Variants in BMPR2 observed in about 807,000 individuals in gnomAD.
BMPR2 encodes bone morphogenetic protein receptor type-2.
BMPR2 carries 29 observed loss-of-function variants against 100.8 expected under a neutral mutation model. The observed-to-expected ratio is 0.29, with a 90% confidence interval of 0.21 to 0.39. The LOEUF is 0.39. Ranked by LOEUF, BMPR2 falls within the 10% of genes least tolerant of loss-of-function variation. The probability of loss-of-function intolerance (pLI) is 1.00; values close to 1 mark genes in which losing one functional copy is unlikely to be tolerated. For synonymous variants in BMPR2, 382 were observed against 442.3 expected (o/e 0.86, Z 1.71); for missense variants, 1,011 against 1,274.5 (o/e 0.79, Z 3.15).
chr2:202,382,519 C>G (rs1473002914), intron 1 of BMPR2, among the ~76,000 whole-genome samples: 1 of 152,154 alleles, frequency 6.6e-6, no homozygotes, highest in East Asian at 1.9e-4. Context: ...TTTGCCTTGT[C>G]CTTCCTACTG....
At chr2:202,516,278 T>TA (rs1244877852) in intron 5 of BMPR2, among the ~76,000 whole-genome samples, 3 of 152,180 alleles carry the variant, frequency 2.0e-5, no homozygotes, top group African/African-American at 7.2e-5. Context: ...TAAACAAAGA[T>TA]AAAAGCCAAA....
chr2:202,419,646 C>T (rs927997702), intron 1 of BMPR2, among the ~76,000 whole-genome samples: 2 of 152,100 alleles, frequency 1.3e-5, no homozygotes, highest in Non-Finnish European at 2.9e-5. Context: ...TGAGCCACTG[C>T]ACCTGGTGTA....
chr2:202,443,507 C>T (rs138002458), intron 1 of BMPR2, among the ~76,000 whole-genome samples: 1 of 150,112 alleles, frequency 6.7e-6, no homozygotes, highest in Non-Finnish European at 1.5e-5. Context: ...CTCTTTCTCT[C>T]TCTCTCTTTC....
At chr2:202,489,392 C>G (rs1000515591) in intron 3 of BMPR2, among the ~76,000 whole-genome samples, 1 of 151,772 alleles carries the variant, frequency 6.6e-6, no homozygotes, top group Non-Finnish European at 1.5e-5. Flanking sequence ...GTTAAGGGAA[C>G]GAAAAGCAAG....
intron 1 of BMPR2, among the ~76,000 whole-genome samples, chr2:202,413,587 TC>T (rs948460928): frequency 6.6e-6 from 1 of 152,184 alleles, no homozygotes; most frequent in African/African-American, 2.4e-5. Flanking sequence ...CATACAAGAA[TC>T]ATTTGTATGT....
intron 6 of BMPR2, 116 bp downstream of exon 6, chr2:202,519,168 C>T: frequency 9.3e-7 from 1 of 1,076,074 alleles, no homozygotes; most frequent in Non-Finnish European, 1.4e-6. Context: ...TCAGGACCAG[C>T]CTCGCCAACA....
At chr2:202,452,530 T>C (rs536606996) in intron 1 of BMPR2, among the ~76,000 whole-genome samples, 194 of 152,278 alleles carry the variant, frequency 1.3e-3, no homozygotes, top group African/African-American at 4.5e-3. Flanking sequence ...GTGCCTATAG[T>C]CCCAACTATC....
At chr2:202,469,622 G>T (rs1269057411) in intron 3 of BMPR2, 1 of 183,358 alleles carries the variant, frequency 5.5e-6, no homozygotes, top group Admixed American at 5.9e-5. Context: ...AGGATAACAG[G>T]TGTCTGCCAC....
intron 1 of BMPR2, among the ~76,000 whole-genome samples, chr2:202,397,410 T>G (rs566576738): frequency 6.6e-6 from 1 of 152,254 alleles, no homozygotes; most frequent in East Asian, 1.9e-4. Flanking sequence ...CTTAAGTAGA[T>G]TACAGTAATA....
chr2:202,400,641 T>A (rs1378448422), intron 1 of BMPR2, among the ~76,000 whole-genome samples: 1 of 152,218 alleles, frequency 6.6e-6, no homozygotes, highest in Non-Finnish European at 1.5e-5. Context: ...ATAATGGTTA[T>A]ATTTAATGAG....
intron 1 of BMPR2, among the ~76,000 whole-genome samples, chr2:202,407,933 A>G (rs1031206853): frequency 9.4e-5 from 14 of 148,988 alleles, no homozygotes; most frequent in African/African-American, 3.0e-4. Flanking sequence ...TCCCAGGTTC[A>G]CTCCATTCTC....
At chr2:202,548,161 C>T (rs1372592474) in intron 10 of BMPR2, among the ~76,000 whole-genome samples, 1 of 152,030 alleles carries the variant, frequency 6.6e-6, no homozygotes, top group Admixed American at 6.6e-5. Context: ...TAGTACATTT[C>T]AGAAGAAACT....
chr2:202,452,019 G>A (rs749413166), intron 1 of BMPR2, among the ~76,000 whole-genome samples: 3 of 152,072 alleles, frequency 2.0e-5, no homozygotes, highest in Non-Finnish European at 2.9e-5. Context: ...CTCCCCAAGT[G>A]CTGGGATTAC....
rs552691528 is a variant in BMPR2, at chr2:202,462,509, G to A, written c.77-2300G>A. On this transcript the variant is annotated intron_variant, in intron 1 of 12. Transcript: ENST00000374580. ...GCTGGGATTACAGGCGTGAGCCACCGTGCCCAGGCTAGTAACCACTGTTTA... is the reference window on the plus strand; with the variant it reads ...GCTGGGATTACAGGCGTGAGCCACCATGCCCAGGCTAGTAACCACTGTTTA... 5.7e-4 allele frequency among the ~76,000 whole-genome samples: 86 copies of A among 151,920 alleles called. 1 individual carries two copies. The South Asian group carries it at 0.016, about 29-fold the overall frequency.
In BMPR2 at chr2:202,556,348, C is replaced by A. The variant is rs762408726; in HGVS notation, c.2683C>A (p.Leu895Ile). ...TCTTGTGGACAGGAGGGAACGGCCA[C>A]TAGAAGGTGGCCGAACTAATTCCAA... ...DRLVDRRERP[L>I]EGGRTNSNNN... is the part of the protein sequence containing the mutation. Residue 895 changes from leucine to isoleucine, a missense_variant, in exon 12 of 13, where the codon CTA becomes ATA. Physicochemically the swap from Leu to Ile is conservative, Grantham distance 5. This residue lies in a region of BMPR2 where 508 missense variants were observed against 552.0 expected (regional missense o/e 0.92). Transcript: ENST00000374580. 4.4e-5 allele frequency: 71 copies of A among 1,614,206 alleles called. No individual in the cohort carries two copies. The highest frequency in any genetic ancestry group is 6.0e-5 in the Non-Finnish European group (71 of 1,180,038).
At chr2:202,487,313 C>G (rs554064648) in intron 3 of BMPR2, among the ~76,000 whole-genome samples, 7 of 152,070 alleles carry the variant, frequency 4.6e-5, no homozygotes, top group African/African-American at 1.7e-4. Flanking sequence ...TTGGGCACTT[C>G]TAATGAATTT....
At chr2:202,415,808 G>T (rs1166135484) in intron 1 of BMPR2, among the ~76,000 whole-genome samples, 1 of 152,164 alleles carries the variant, frequency 6.6e-6, no homozygotes, top group East Asian at 1.9e-4. Context: ...CAATGCACCC[G>T]ATCACCCAAG....
chr2:202,437,514 C>T (rs1213458836), intron 1 of BMPR2, among the ~76,000 whole-genome samples: 1 of 150,384 alleles, frequency 6.6e-6, no homozygotes, highest in Non-Finnish European at 1.5e-5. Context: ...GAATTCAGTG[C>T]TTTTTAGCGT....
intron 1 of BMPR2, among the ~76,000 whole-genome samples, chr2:202,390,204 C>A (rs1387654483): frequency 1.3e-5 from 2 of 151,976 alleles, no homozygotes; most frequent in Admixed American, 6.6e-5. Flanking sequence ...TGGGACAGTT[C>A]TAGAAGTAAG....
Sources: gnomAD v4.1 joint callset for allele counts (sites outside exome capture counted in the v4.1 genomes callset) on GRCh38, gnomAD v4.1.1 for gene constraint, gnomAD v4.1.1 regional missense constraint, MANE v1.5 for transcripts, NCBI Gene and HGNC (gene_info 2026-07-23, HGNC 2026-07-21) for gene names.